Variants in CNBD1 observed in about 807,000 individuals in gnomAD.
CNBD1 encodes the protein cyclic nucleotide-binding domain-containing protein 1.
In CNBD1, 71 loss-of-function variants were observed where a neutral mutation model predicts 54.4. The ratio of observed to expected loss-of-function variants is 1.30; its 90% CI spans 1.08 to 1.59. The LOEUF (loss-of-function observed/expected upper bound fraction) is 1.59, where lower values mean the gene tolerates loss of function less well. Ranked by LOEUF, CNBD1 falls within the 40% of genes most tolerant of loss-of-function variation. The pLI, the probability that CNBD1 is intolerant of heterozygous loss-of-function variation, is 0.00. For missense variants in CNBD1, 659 were observed against 518.0 expected, an observed-to-expected ratio of 1.27 and a Z score of -2.64; for synonymous variants, 182 against 170.7, an observed-to-expected ratio of 1.07 and a Z score of -0.51.
intron 8 of CNBD1, among the ~76,000 whole-genome samples, chr8:87,333,164 C>G (rs1398002114): frequency 1.3e-5 from 2 of 152,066 alleles, no homozygotes; most frequent in Non-Finnish European, 1.5e-5. Flanking sequence ...CATGATTTTG[C>G]TCTCTGCTTG....
At chr8:87,301,846 A>G (rs1809003338) in intron 8 of CNBD1, among the ~76,000 whole-genome samples, 1 of 152,192 alleles carries the variant, frequency 6.6e-6, no homozygotes, top group Admixed American at 6.6e-5. Flanking sequence ...ACCATCAGAG[A>G]ATAATATAAA....
At chr8:87,300,868 A>G (rs1808974230) in intron 8 of CNBD1, among the ~76,000 whole-genome samples, 1 of 152,112 alleles carries the variant, frequency 6.6e-6, no homozygotes, top group Admixed American at 6.6e-5. Context: ...TTTTGTGAAG[A>G]CTAAAAATTT....
chr8:87,359,195 A>G (rs1266344711), intron 10 of CNBD1, among the ~76,000 whole-genome samples: 1 of 152,060 alleles, frequency 6.6e-6, no homozygotes, highest in Non-Finnish European at 1.5e-5. Context: ...ATTGTATGGG[A>G]TTTAGTAATG....
intron 4 of CNBD1, among the ~76,000 whole-genome samples, chr8:87,050,774 A>G (rs569843675): frequency 6.6e-6 from 1 of 152,218 alleles, no homozygotes; most frequent in Non-Finnish European, 1.5e-5. Flanking sequence ...ACTAGCTTAC[A>G]TTCCCCACTG....
chr8:87,409,566 C>T (rs1807705605), intron 2 of CNBD1, among the ~76,000 whole-genome samples: 1 of 152,038 alleles, frequency 6.6e-6, no homozygotes. Context: ...AAGCATATGC[C>T]ATCTTCAACT....
intron 4 of CNBD1, among the ~76,000 whole-genome samples, chr8:87,016,972 A>T (rs1219442591): frequency 1.3e-5 from 2 of 152,178 alleles, no homozygotes; most frequent in Non-Finnish European, 2.9e-5. Flanking sequence ...TACCCACGTC[A>T]TGGTAAATGT....
intron 2 of CNBD1, among the ~76,000 whole-genome samples, chr8:87,393,559 G>C (rs1332670998): frequency 6.6e-6 from 1 of 151,814 alleles, no homozygotes; most frequent in East Asian, 1.9e-4. Context: ...TTCCCCCAAA[G>C]ACATTATGGT....
intron 10 of CNBD1, among the ~76,000 whole-genome samples, chr8:87,372,647 ATACT>A (rs1342787613): frequency 2.0e-5 from 3 of 151,838 alleles, no homozygotes; most frequent in Non-Finnish European, 4.4e-5. Context: ...TTGTTACATA[ATACT>A]TTATTTGTCC....
At chr8:87,225,708 G>C (rs921318900) in intron 5 of CNBD1, among the ~76,000 whole-genome samples, 1 of 151,818 alleles carries the variant, frequency 6.6e-6, no homozygotes, top group Non-Finnish European at 1.5e-5. Context: ...TCTCTTTTTT[G>C]GTTGTGTCTC....
At chr8:87,305,304 A>G (rs559698139) in intron 8 of CNBD1, among the ~76,000 whole-genome samples, 1 of 152,302 alleles carries the variant, frequency 6.6e-6, no homozygotes, top group South Asian at 2.1e-4. Context: ...GATGGGTAGA[A>G]CTGATATTGT....
At chr8:86,957,759 GT>G (rs1807816245) in intron 4 of CNBD1, among the ~76,000 whole-genome samples, 1 of 152,000 alleles carries the variant, frequency 6.6e-6, no homozygotes, top group East Asian at 1.9e-4. Context: ...TATCAATTTT[GT>G]TGATCTTTTC....
At chr8:87,425,437 C>T (rs1256373279) in intron 2 of CNBD1, among the ~76,000 whole-genome samples, 1 of 152,158 alleles carries the variant, frequency 6.6e-6, no homozygotes, top group Non-Finnish European at 1.5e-5. Context: ...GTTTTTTCTC[C>T]ATCTTTGTGG....
chr8:87,107,863 A>T (rs1187087752), intron 4 of CNBD1, among the ~76,000 whole-genome samples: 1 of 152,220 alleles, frequency 6.6e-6, no homozygotes, highest in African/African-American at 2.4e-5. Flanking sequence ...ACCCAGCAGC[A>T]TACCCATAGG....
At chr8:87,243,743 A>G (rs993850890) in intron 6 of CNBD1, among the ~76,000 whole-genome samples, 2 of 152,216 alleles carry the variant, frequency 1.3e-5, no homozygotes, top group African/African-American at 4.8e-5. Context: ...TTCGTGACAC[A>G]AAACAGGAGT....
chr8:86,888,212 C>T (rs565996417), intron 2 of CNBD1, among the ~76,000 whole-genome samples: 1 of 152,252 alleles, frequency 6.6e-6, no homozygotes, highest in Admixed American at 6.5e-5. Context: ...TTTTCTCTCT[C>T]TACTTTAAAA....
At chr8:87,005,450 T>G (rs1001457326) in intron 4 of CNBD1, among the ~76,000 whole-genome samples, 6 of 152,136 alleles carry the variant, frequency 3.9e-5, no homozygotes, top group Admixed American at 6.5e-5. Flanking sequence ...AACTTAATAT[T>G]TCTCCTAGTT....
At chr8:87,118,093 ATCATGAGG>A (rs1047541317) in intron 4 of CNBD1, among the ~76,000 whole-genome samples, 2 of 151,962 alleles carry the variant, frequency 1.3e-5, no homozygotes, top group Non-Finnish European at 2.9e-5. Flanking sequence ...AGGCGGGCGG[ATCATGAGG>A]TCAGGAGATT....
chr8:87,416,577 C>T (rs1296557080), intron 2 of CNBD1, among the ~76,000 whole-genome samples: 1 of 152,020 alleles, frequency 6.6e-6, no homozygotes, highest in Non-Finnish European at 1.5e-5. Context: ...GCCTCATTCC[C>T]AGACAAGCAT....
At chr8:86,982,587 G>A (rs1227544532) in intron 4 of CNBD1, among the ~76,000 whole-genome samples, 1 of 152,126 alleles carries the variant, frequency 6.6e-6, no homozygotes, top group Non-Finnish European at 1.5e-5. Context: ...GTCAAAAATT[G>A]ATTCATAAAA....
Sources: gnomAD v4.1 joint callset for allele counts (sites outside exome capture counted in the v4.1 genomes callset) on GRCh38, gnomAD v4.1.1 for gene constraint, MANE v1.5 for transcripts, NCBI Gene and HGNC (gene_info 2026-07-23, HGNC 2026-07-21) for gene names.